Variants in HDAC7 observed in about 807,000 individuals in gnomAD.
HDAC7 encodes histone deacetylase 7A.
Under a neutral mutation model 115.5 loss-of-function variants are expected in HDAC7, and 26 were observed. That is an observed-to-expected ratio of 0.23 (90% CI 0.16 to 0.31). HDAC7 has a LOEUF of 0.31. Among genes scored for constraint, HDAC7 ranks in the 10% least tolerant of loss-of-function variants. The probability of loss-of-function intolerance (pLI) is 1.00; values close to 1 mark genes in which losing one functional copy is unlikely to be tolerated. For synonymous variants in HDAC7, 564 were observed against 550.9 expected (o/e 1.02, Z -0.33); for missense variants, 1,068 against 1,329.0 (o/e 0.80, Z 3.05).
intron 1 of HDAC7, among the ~76,000 whole-genome samples, chr12:47,805,390 G>A (rs1233655410): frequency 6.6e-6 from 1 of 152,112 alleles, no homozygotes; most frequent in East Asian, 1.9e-4. Flanking sequence ...TTGATTAGCG[G>A]AAAAGGAAGC....
chr12:47,795,457 G>A lies in HDAC7; in HGVS notation c.1088-77C>T, dbSNP rs1592655726. 1 of 1,316,060 alleles carries A rather than the reference G, an allele frequency of 7.6e-7. No individual in the cohort carries two copies. The allele number at this position is 1,316,060 out of a possible 1,614,324, so 81.5% of individuals were successfully genotyped here. On this transcript the variant is annotated intron_variant, in intron 10 of 25. Transcript: ENST00000080059. The surrounding 1 kb of genome is among the most constrained non-coding windows in gnomAD (Gnocchi z 4.3). ...AGGAAGCGAGGGTATAGGGTGGGGGGCCAGGGTGCAGCAGGGCAATGCGCA... is the reference window on the plus strand; with the variant it reads ...AGGAAGCGAGGGTATAGGGTGGGGGACCAGGGTGCAGCAGGGCAATGCGCA...
At chr12:47,807,219 C>T (rs1244792830) in intron 1 of HDAC7, among the ~76,000 whole-genome samples, 3 of 152,178 alleles carry the variant, frequency 2.0e-5, no homozygotes, top group Non-Finnish European at 4.4e-5. Context: ...GGATTACAGG[C>T]GTGAGCCACC....
intron 13 of HDAC7, 69 bp from the exon 14 acceptor site, chr12:47,792,073 C>G: frequency 6.7e-7 from 1 of 1,495,032 alleles, no homozygotes; most frequent in South Asian, 1.3e-5. Flanking sequence ...CTGCAGAGAA[C>G]ACGCCAGCAC....
In HDAC7 at chr12:47,783,803, C is replaced by T. The variant is rs1942990003; in HGVS notation, c.*38G>A. ...GCCAGGGGTTAGAAGAGAACCAGGT[C>T]CCAAGGGCATGGTGGGCGGGCAGAT... On this transcript the variant is annotated 3_prime_UTR_variant, in exon 26 of 26. Coordinates refer to ENST00000080059, the MANE Select transcript of HDAC7 (RefSeq NM_015401.5). 2 of 1,602,480 alleles carry T rather than the reference C, an allele frequency of 1.2e-6. No homozygotes were observed. The highest frequency in any genetic ancestry group is 1.7e-5 in the Admixed American group (1 of 57,952).
chr12:47,794,555 A>T (rs1180825946), intron 12 of HDAC7, among the ~76,000 whole-genome samples: 1 of 152,140 alleles, frequency 6.6e-6, no homozygotes, highest in Non-Finnish European at 1.5e-5. Flanking sequence ...TGTTGTGTGT[A>T]TGTGTGTGTA....
rs759916511 is a variant in HDAC7, at chr12:47,805,189, G to T, written c.20-2915C>A. ...GGGCTCAGGCAATTCTCCTGCCTCAGCCTCCAGAGTAGCTGGGACTACAGT... is the reference window on the plus strand; with the variant it reads ...GGGCTCAGGCAATTCTCCTGCCTCATCCTCCAGAGTAGCTGGGACTACAGT... On this transcript the variant is annotated intron_variant, in intron 1 of 25. Transcript: ENST00000080059. 1.1e-4 allele frequency among the ~76,000 whole-genome samples: 17 copies of T among 151,830 alleles called. No individual in the cohort carries two copies. In the Middle Eastern group the frequency reaches 0.01, roughly 92 times the overall value.
At chr12:47,813,658 T>A (rs1229369583) in intron 1 of HDAC7, among the ~76,000 whole-genome samples, 2 of 151,298 alleles carry the variant, frequency 1.3e-5, no homozygotes, top group Non-Finnish European at 3.0e-5. Context: ...ATGGTGAGCT[T>A]AGCCCAGGGC....
rs1255679540 is a variant in HDAC7 at position 47,783,873 on chromosome 12, G to C, written c.2944C>G (p.Leu982Val). The change falls in exon 26 of 26, where the codon CTG becomes GTG. Residue 982 changes from leucine (L) to valine (V), a missense_variant. Transcript: ENST00000080059. The stretch of plus-strand genomic sequence containing the variant: ...TTCATAGGTTCTTCCTCCTCCACCA[G>C]CTGCTCCGAGGGCCTGTGGGGAGGG... ...ILAEDRPSEQ[L>V]VEEEEPMNL The C allele has an allele frequency of 3.7e-6, 6 of 1,612,380 alleles. No individual in the cohort carries two copies. The highest frequency in any genetic ancestry group is 5.1e-6 in the Non-Finnish European group (6 of 1,179,622).
At position 47,798,294 on chromosome 12, in the gene HDAC7, T is replaced by C. The variant is rs1489528303; in HGVS notation, c.350-75A>G. The C allele has an allele frequency of 8.4e-7, 1 of 1,193,912 alleles. No homozygotes were observed. The highest frequency in any genetic ancestry group is 1.2e-6 in the Non-Finnish European group (1 of 803,648). 74.0% of individuals were successfully genotyped at this position (1,193,912 alleles called of 1,614,324 possible). A position where few individuals can be genotyped will look rare whatever the true frequency, so the allele number is the denominator to read the frequency against. ...TCGTGGCACTACCTGGCCACTGCCC[T>C]GTCCCCATCCTCAGTAGGAGGCGTC... On this transcript the variant is annotated intron_variant, in intron 4 of 25. Coordinates refer to ENST00000080059, the MANE Select transcript of HDAC7 (RefSeq NM_015401.5). The surrounding 1 kb of genome is among the most constrained non-coding windows in gnomAD (Gnocchi z 4.3).
intron 19 of HDAC7, 50 bp downstream of exon 19, chr12:47,789,211 C>T: frequency 7.1e-7 from 1 of 1,401,792 alleles, no homozygotes; most frequent in South Asian, 1.2e-5. Context: ...AGGCTCAGGG[C>T]TTTTCCCCCA....
chr12:47,816,961 A>C lies in HDAC7; in HGVS notation c.19+2806T>G, dbSNP rs374552304. ...CCTAGATTCCCAGGCCCCTGATCCT[A>C]GGGAGCCAAAAGGGTTAGGGAGGTG... On this transcript the variant is annotated intron_variant, in intron 1 of 25. Transcript: ENST00000080059. 1.0e-3 allele frequency among the ~76,000 whole-genome samples: 158 copies of C among 152,264 alleles called. 1 individual carries two copies. The highest frequency in any genetic ancestry group is 3.6e-3 in the African/African-American group (151 of 41,556).
chr12:47,805,774 A>C (rs916767826), intron 1 of HDAC7, among the ~76,000 whole-genome samples: 2 of 152,178 alleles, frequency 1.3e-5, no homozygotes, highest in Non-Finnish European at 2.9e-5. Context: ...GGTCACAGCC[A>C]CCCAGCCAGC....
rs9859 is a variant in HDAC7, at chr12:47,783,117, T to A, written c.*724A>T. ...GGTCCCAGGGGTATGCTGCGCTTCT[T>A]GGGGAGATGAAGGGTTTGGCACCAT... On this transcript the variant is annotated 3_prime_UTR_variant, in exon 26 of 26. Coordinates refer to ENST00000080059, the MANE Select transcript of HDAC7 (RefSeq NM_015401.5). 1 of 152,402 alleles carries A rather than the reference T, an allele frequency of 6.6e-6. No individual in the cohort carries two copies. The highest frequency in any genetic ancestry group is 1.5e-5 in the Non-Finnish European group (1 of 68,164). 9.4% of individuals were successfully genotyped at this position (152,402 alleles called of 1,614,324 possible). A position where few individuals can be genotyped will look rare whatever the true frequency, so the allele number is the denominator to read the frequency against.
chr12:47,806,434 TG>T (rs1944406459), intron 1 of HDAC7, among the ~76,000 whole-genome samples: 1 of 152,272 alleles, frequency 6.6e-6, no homozygotes. Context: ...CCCAGAACTT[TG>T]GGGAAGTTCT....
chr12:47,800,715 G>A (rs1592673430), intron 2 of HDAC7, among the ~76,000 whole-genome samples: 1 of 152,212 alleles, frequency 6.6e-6, no homozygotes, highest in South Asian at 2.1e-4. Context: ...GGGGCTTGGG[G>A]GAACCAAGGC....
In HDAC7 at chr12:47,787,366, A is replaced by G. The variant is rs1044981678; in HGVS notation, c.2453+346T>C. On this transcript the variant is annotated intron_variant, in intron 21 of 25. Coordinates refer to ENST00000080059, the MANE Select transcript of HDAC7 (RefSeq NM_015401.5). ...CAGGGCTCTCGTAGAATTAGCTGTC[A>G]TGGAGATAACTCCAGAAAAGTGTTT... is the stretch of plus-strand genomic sequence containing the variant. 2.6e-5 allele frequency among the ~76,000 whole-genome samples: 4 copies of G among 151,982 alleles called. 1 individual carries two copies. The highest frequency in any genetic ancestry group is 9.7e-5 in the African/African-American group (4 of 41,390).
rs771113491 is a variant in HDAC7, at chr12:47,785,869, C to T, written c.2589G>A (p.Thr863=). The T allele has an allele frequency of 3.1e-5, 50 of 1,606,150 alleles. No individual in the cohort carries two copies. Among genetic ancestry groups the T allele is most frequent in the Middle Eastern group, 1.7e-4 (1 of 6,018 alleles). The change falls in exon 23 of 26, where the codon ACG becomes ACA. Residue 863 remains threonine (T), a synonymous_variant. Transcript: ENST00000080059. ...CTCCTGCCAGGTTCATCAGTTGCTG[C>T]GTCATGTATCCAAAACCTAGAGGTT... ...HVSAKCFGYM[T]QQLMNLAGGA... is the part of the protein sequence containing the mutation.
At chr12:47,815,340 CAG>C (rs1462456289) in intron 1 of HDAC7, among the ~76,000 whole-genome samples, 1 of 152,194 alleles carries the variant, frequency 6.6e-6, no homozygotes, top group Non-Finnish European at 1.5e-5. Context: ...CACACACACA[CAG>C]GGGGTACATG....
In HDAC7 at chr12:47,802,290, C is replaced by CGGAGTGAAAGAGCTGCAGGGAGGGGTGA; in HGVS notation, c.20-44_20-17dup. On this transcript the variant is annotated splice_polypyrimidine_tract_variant and intron_variant, in intron 1 of 25. Transcript: ENST00000080059. ...TGGGTCCCATCTGTAGAGAGAGAGA[C>CGGAGTGAAAGAGCTGCAGGGAGGGGTGA]GGAGTGAAAGAGCTGCAGGGAGGGG... 1 of 1,612,656 alleles carries CGGAGTGAAAGAGCTGCAGGGAGGGGTGA rather than the reference C, an allele frequency of 6.2e-7. No individual in the cohort carries two copies. Among genetic ancestry groups the CGGAGTGAAAGAGCTGCAGGGAGGGGTGA allele is most frequent in the South Asian group, 1.1e-5 (1 of 90,988 alleles).
Sources: gnomAD v4.1 joint callset for allele counts (sites outside exome capture counted in the v4.1 genomes callset) on GRCh38, gnomAD v4.1.1 for gene constraint, Gnocchi (gnomAD v3.1) non-coding constraint, MANE v1.5 for transcripts, NCBI Gene and HGNC (gene_info 2026-07-23, HGNC 2026-07-21) for gene names.